Variants in ERC2 observed in about 807,000 individuals in gnomAD.
ERC2 encodes ERC protein 2.
Under a neutral mutation model 114.8 loss-of-function variants are expected in ERC2, and 42 were observed. The observed-to-expected ratio is 0.37, with a 90% CI of 0.29 to 0.47. The LOEUF (loss-of-function observed/expected upper bound fraction) is 0.47. Ranked by LOEUF, ERC2 falls within the 20% of genes least tolerant of loss-of-function variation. The pLI is 0.99. For missense variants in ERC2, 939 were observed against 1,150.7 expected (o/e 0.82, Z 2.66); for synonymous variants, 454 against 425.5 (o/e 1.07, Z -0.82).
intron 15 of ERC2, among the ~76,000 whole-genome samples, chr3:55,704,456 C>G (rs2063379927): frequency 6.6e-6 from 1 of 152,202 alleles, no homozygotes; most frequent in Non-Finnish European, 1.5e-5. Flanking sequence ...CTGTTTTATT[C>G]TATCAGGCTT....
At chr3:56,218,563 A>G (rs1475301643) in intron 3 of ERC2, among the ~76,000 whole-genome samples, 1 of 152,220 alleles carries the variant, frequency 6.6e-6, no homozygotes, top group African/African-American at 2.4e-5. Flanking sequence ...TAGTTCAACC[A>G]TTGTAGAAGT....
intron 1 of ERC2, 74 bp from the exon 2 acceptor site, chr3:56,435,221 T>C: frequency 1.9e-6 from 1 of 513,872 alleles, no homozygotes; most frequent in Non-Finnish European, 3.5e-6. Context: ...TTTAAATATA[T>C]AAAGATAATG....
chr3:55,773,372 A>C (rs1013219339), intron 14 of ERC2, among the ~76,000 whole-genome samples: 1 of 152,128 alleles, frequency 6.6e-6, no homozygotes, highest in Non-Finnish European at 1.5e-5. Context: ...CTTCTCTATG[A>C]GGTCTTTTCA....
Position 56,241,200 on chromosome 3 carries a change from A to G in ERC2, c.1074+54819T>C, listed in dbSNP as rs551819197. ...CTACAAAGAACTCAACTCAACAAGA[A>G]AAAACAAAAACCCCATTAAAGAGTG... On this transcript the variant is annotated intron_variant, in intron 3 of 17. Transcript: ENST00000288221. Among the ~76,000 whole-genome samples the G allele has an allele frequency of 9.6e-4, 147 of 152,334 alleles. 2 individuals carry two copies. Among genetic ancestry groups the G allele is most frequent in the Non-Finnish European group, 8.8e-5 (6 of 68,018 alleles).
At chr3:55,517,618 G>GATAT (rs1251101030) in intron 17 of ERC2, among the ~76,000 whole-genome samples, 2 of 152,090 alleles carry the variant, frequency 1.3e-5, no homozygotes, top group African/African-American at 4.8e-5. Flanking sequence ...CTATCTCCTG[G>GATAT]ATATGCTCTC....
At chr3:55,958,996 G>C (rs1281483087) in intron 12 of ERC2, among the ~76,000 whole-genome samples, 1 of 152,156 alleles carries the variant, frequency 6.6e-6, no homozygotes, top group Non-Finnish European at 1.5e-5. Flanking sequence ...TGGACCCACA[G>C]AGCATGCAAC....
chr3:56,268,655 T>C (rs747234356), intron 3 of ERC2, among the ~76,000 whole-genome samples: 4 of 152,196 alleles, frequency 2.6e-5, no homozygotes, highest in Non-Finnish European at 4.4e-5. Context: ...TTTGTTATAT[T>C]ATAGTAAGCC....
At chr3:56,017,607 A>T (rs1235490460) in intron 8 of ERC2, among the ~76,000 whole-genome samples, 1 of 151,682 alleles carries the variant, frequency 6.6e-6, no homozygotes, top group Non-Finnish European at 1.5e-5. Context: ...CTGGCTCACC[A>T]CTCACTTTCT....
intron 14 of ERC2, among the ~76,000 whole-genome samples, chr3:55,851,468 C>T (rs2061569679): frequency 6.6e-6 from 1 of 152,070 alleles, no homozygotes; most frequent in South Asian, 2.1e-4. Context: ...CAACGCATTC[C>T]AAGGAAATAA....
At position 55,515,554 on chromosome 3, in the gene ERC2, C is replaced by CTT. The variant is rs34992425; in HGVS notation, c.*40-4280_*40-4279dup. Among the ~76,000 whole-genome samples the CTT allele has an allele frequency of 4.3e-3, 628 of 144,920 alleles. 1 individual carries two copies. Among genetic ancestry groups the CTT allele is most frequent in the East Asian group, 0.023 (112 of 4,882 alleles). On this transcript the variant is annotated intron_variant, in intron 17 of 17. Transcript: ENST00000288221. ...AGCCGTTAAAATTTTCTCCTTCAGA[C>CTT]TTTTTTTTTTTTTGCTCTTTTTGGA... is the stretch of plus-strand genomic sequence containing the variant.
At chr3:55,792,752 A>G (rs4299453) in intron 14 of ERC2, among the ~76,000 whole-genome samples, 28,925 of 152,208 alleles carry the variant, frequency 0.19, 3,000 homozygotes, top group East Asian at 0.23. Context: ...TCCCAAAGCT[A>G]AGAAGTTGAA....
At chr3:56,047,898 G>A (rs1488535669) in intron 7 of ERC2, among the ~76,000 whole-genome samples, 1 of 152,068 alleles carries the variant, frequency 6.6e-6, no homozygotes, top group Non-Finnish European at 1.5e-5. Flanking sequence ...AGTTGCAGAT[G>A]TAGAATTGTA....
At chr3:56,406,559 G>T (rs1004602877) in intron 2 of ERC2, among the ~76,000 whole-genome samples, 3 of 152,158 alleles carry the variant, frequency 2.0e-5, no homozygotes, top group African/African-American at 7.2e-5. Flanking sequence ...CTTTAATAAG[G>T]CTCTGCTATC....
intron 3 of ERC2, among the ~76,000 whole-genome samples, chr3:56,282,470 T>C (rs967778322): frequency 6.6e-6 from 1 of 152,166 alleles, no homozygotes. Context: ...CTAGAAGTTA[T>C]TTTGACTTTC....
intron 2 of ERC2, among the ~76,000 whole-genome samples, chr3:56,392,708 C>T (rs1283989968): frequency 2.0e-5 from 3 of 152,112 alleles, no homozygotes; most frequent in South Asian, 4.1e-4. Context: ...ATTGTTACCT[C>T]GAGACATGAC....
At chr3:55,608,684 A>G (rs942542572) in intron 17 of ERC2, among the ~76,000 whole-genome samples, 2 of 152,316 alleles carry the variant, frequency 1.3e-5, no homozygotes, top group South Asian at 4.1e-4. Context: ...TGGGGATCTC[A>G]CTTCTAAATA....
intron 6 of ERC2, among the ~76,000 whole-genome samples, chr3:56,126,923 G>A (rs73091269): frequency 0.014 from 2,155 of 151,830 alleles, 22 homozygotes; most frequent in Middle Eastern, 0.024. Context: ...GGGAAGAGAA[G>A]CCCAAACACT....
chr3:55,729,820 G>A (rs543417559), intron 15 of ERC2, among the ~76,000 whole-genome samples: 1 of 86,162 alleles, frequency 1.2e-5, no homozygotes, highest in East Asian at 4.0e-4. Context: ...CCAGGGTAAT[G>A]CAGTGAGACT....
intron 1 of ERC2, among the ~76,000 whole-genome samples, chr3:56,440,788 G>A (rs900338158): frequency 3.3e-5 from 5 of 152,222 alleles, no homozygotes; most frequent in South Asian, 2.1e-4. Flanking sequence ...TATAAGTCTT[G>A]TATTTTCCTT....
Sources: allele counts gnomAD v4.1 joint callset (sites outside exome capture counted in the v4.1 genomes callset), GRCh38; gene constraint gnomAD v4.1.1; transcripts MANE v1.5; gene names NCBI Gene and HGNC (gene_info 2026-07-23, HGNC 2026-07-21).